AATF: variants seen among roughly 807,000 people sequenced by gnomAD.
AATF encodes protein AATF.
In AATF, 48 loss-of-function variants were observed where a neutral mutation model predicts 63.7. The observed-to-expected ratio is 0.75, with a 90% CI of 0.60 to 0.96. AATF has a LOEUF of 0.96. AATF is among the 40% of genes least tolerant of loss of function. The probability of loss-of-function intolerance (pLI) is 0.00; values close to 1 mark genes in which losing one functional copy is unlikely to be tolerated. For synonymous variants in AATF, 258 were observed against 247.7 expected, an observed-to-expected ratio of 1.04 and a Z score of -0.39; for missense variants, 639 against 685.7, an observed-to-expected ratio of 0.93 and a Z score of 0.76.
chr17:36,974,654 T>C (rs2071066268), intron 4 of AATF, among the ~76,000 whole-genome samples: 1 of 152,210 alleles, frequency 6.6e-6, no homozygotes, highest in Admixed American at 6.5e-5. Flanking sequence ...ATACAATAAT[T>C]TTGTTTCATC....
At chr17:37,039,112 CT>C (rs1174875950) in intron 11 of AATF, among the ~76,000 whole-genome samples, 2 of 152,198 alleles carry the variant, frequency 1.3e-5, no homozygotes, top group Non-Finnish European at 2.9e-5. Flanking sequence ...TTGCTCCCCC[CT>C]ACCTATATTT....
At chr17:37,034,916 G>A (rs1479039467) in intron 11 of AATF, 2 of 151,754 alleles carry the variant, frequency 1.3e-5, no homozygotes, top group Admixed American at 6.6e-5. Context: ...ACGAGGTCAG[G>A]AGATCAAGAC....
At position 37,021,656 on chromosome 17, in the gene AATF, T is replaced by C. The variant is rs1377621048; in HGVS notation, c.1547+642T>C. 8.5e-5 allele frequency among the ~76,000 whole-genome samples: 7 copies of C among 82,084 alleles called. 1 individual carries two copies. Among genetic ancestry groups the C allele is most frequent in the Non-Finnish European group, 1.5e-4 (7 of 46,856 alleles). 53.9% of individuals were successfully genotyped at this position (82,084 alleles called of 152,430 possible). On this transcript the variant is annotated intron_variant, in intron 10 of 11. Transcript: ENST00000619387. ...AAATAATAATAATAAATACAAAAAA[T>C]TAGCCGGGCGTAGTGGCGGGCGCCT...
chr17:37,013,283 C>T (rs2071405545), intron 8 of AATF, among the ~76,000 whole-genome samples: 1 of 152,166 alleles, frequency 6.6e-6, no homozygotes, highest in South Asian at 2.1e-4. Flanking sequence ...ATCATACCTG[C>T]TAGTATGGCT....
At chr17:36,966,490 G>C (rs1273927846) in intron 4 of AATF, among the ~76,000 whole-genome samples, 1 of 151,392 alleles carries the variant, frequency 6.6e-6, no homozygotes, top group Non-Finnish European at 1.5e-5. Flanking sequence ...CTGGTCTTGA[G>C]CTCCTGGGCT....
intron 4 of AATF, among the ~76,000 whole-genome samples, chr17:36,974,081 AG>A (rs1042724471): frequency 4.0e-5 from 6 of 151,746 alleles, no homozygotes; most frequent in African/African-American, 1.5e-4. Context: ...AAAAAAAAAA[AG>A]GAAAAGACAG....
chr17:36,955,623 C>T (rs1193492816), intron 4 of AATF, among the ~76,000 whole-genome samples: 4 of 152,114 alleles, frequency 2.6e-5, no homozygotes, highest in African/African-American at 4.8e-5. Flanking sequence ...AAATGTTTCA[C>T]GATAAGGCCT....
chr17:36,989,887 A>G (rs1208626750), intron 7 of AATF, among the ~76,000 whole-genome samples: 3 of 152,172 alleles, frequency 2.0e-5, no homozygotes, highest in East Asian at 1.9e-4. Context: ...AGCAACTTAA[A>G]ATGAAAAGCA....
At chr17:37,047,437 G>C (rs2071702794) in intron 11 of AATF, among the ~76,000 whole-genome samples, 1 of 152,190 alleles carries the variant, frequency 6.6e-6, no homozygotes, top group African/African-American at 2.4e-5. Flanking sequence ...TGAGTAAGGA[G>C]GAAGCACAAG....
intron 8 of AATF, among the ~76,000 whole-genome samples, chr17:36,999,376 A>T (rs1206918009): frequency 2.0e-5 from 3 of 152,262 alleles, no homozygotes; most frequent in Non-Finnish European, 4.4e-5. Context: ...TAGTAACTGC[A>T]TGTGGCTGTT....
intron 11 of AATF, among the ~76,000 whole-genome samples, chr17:37,047,582 C>T (rs1227229429): frequency 6.6e-6 from 1 of 152,176 alleles, no homozygotes; most frequent in Non-Finnish European, 1.5e-5. Flanking sequence ...AATCTTGAGT[C>T]TGTCTGATCT....
intron 11 of AATF, among the ~76,000 whole-genome samples, chr17:37,049,592 G>A (rs1270848702): frequency 3.5e-4 from 51 of 147,658 alleles, no homozygotes; most frequent in African/African-American, 1.2e-3. Flanking sequence ...GTGACAGAGC[G>A]AGACTCCGTC....
intron 4 of AATF, among the ~76,000 whole-genome samples, chr17:36,968,588 T>TTTTTA (rs1039975348): frequency 1.3e-5 from 2 of 151,976 alleles, no homozygotes; most frequent in African/African-American, 2.4e-5. Flanking sequence ...TTCTATCATA[T>TTTTTA]TTTTATTTTA....
chr17:37,053,114 A>C (rs955690566), intron 11 of AATF, among the ~76,000 whole-genome samples: 7 of 152,166 alleles, frequency 4.6e-5, no homozygotes, highest in African/African-American at 1.4e-4. Context: ...ACAAAAAACA[A>C]AAAAATAGGA....
At chr17:37,025,722 A>C (rs1485746032) in intron 10 of AATF, among the ~76,000 whole-genome samples, 1 of 152,318 alleles carries the variant, frequency 6.6e-6, no homozygotes, top group African/African-American at 2.4e-5. Flanking sequence ...AACTTTTACT[A>C]TCTTGATTAG....
Position 36,954,321 on chromosome 17 carries a change from A to G in AATF, c.832+414A>G, listed in dbSNP as rs187469152. Among the ~76,000 whole-genome samples, 22 of 152,146 alleles carry G rather than the reference A, an allele frequency of 1.4e-4. No individual in the cohort carries two copies. The East Asian group carries it at 2.9e-3, about 20-fold the overall frequency. On this transcript the variant is annotated intron_variant, in intron 4 of 11. Coordinates refer to ENST00000619387, the MANE Select transcript of AATF (RefSeq NM_012138.4). ...GGTCTCAAACTCCTGGCCTCAAGCA[A>G]TCCTCCCACCTTTGCTTCCCAAAGT...
At chr17:37,039,618 G>T (rs2071620841) in intron 11 of AATF, among the ~76,000 whole-genome samples, 1 of 152,150 alleles carries the variant, frequency 6.6e-6, no homozygotes, top group Non-Finnish European at 1.5e-5. Flanking sequence ...AGTGCTGAGG[G>T]GAAAGGACCC....
chr17:36,960,962 T>G (rs544964158), intron 4 of AATF, among the ~76,000 whole-genome samples: 1 of 152,304 alleles, frequency 6.6e-6, no homozygotes, highest in East Asian at 1.9e-4. Flanking sequence ...AAATAAGGAT[T>G]AGCTGTAATC....
intron 4 of AATF, among the ~76,000 whole-genome samples, chr17:36,968,251 TTTCTTTCTTTCC>T (rs2071008306): frequency 1.5e-5 from 2 of 135,408 alleles, no homozygotes; most frequent in African/African-American, 6.2e-5. Context: ...CTTTTTTCTT[TTTCTTTCTTTCC>T]TTCTTTCTTT....
Sources: allele counts gnomAD v4.1 joint callset (sites outside exome capture counted in the v4.1 genomes callset), GRCh38; gene constraint gnomAD v4.1.1; transcripts MANE v1.5; gene names NCBI Gene and HGNC (gene_info 2026-07-23, HGNC 2026-07-21).